Variants in YKT6 observed in about 807,000 individuals in gnomAD.
The protein encoded by YKT6 is synaptobrevin homolog YKT6.
YKT6 carries 12 observed loss-of-function variants against 29.3 expected under a neutral mutation model. That is an observed-to-expected ratio of 0.41 (90% CI 0.26 to 0.66). The LOEUF is 0.66. Ranked by LOEUF, YKT6 falls within the 30% of genes least tolerant of loss-of-function variation. The pLI, the probability that YKT6 is intolerant of heterozygous loss-of-function variation, is 0.32. For missense variants in YKT6, 188 were observed against 243.8 expected, an observed-to-expected ratio of 0.77 and a Z score of 1.52; for synonymous variants, 86 against 94.3, an observed-to-expected ratio of 0.91 and a Z score of 0.51.
chr7:44,211,020 C>A lies in YKT6; in HGVS notation c.460-3C>A, dbSNP rs186739586. ...GCTGGATTCTCTTTTCTTTTTTGTC[C>A]AGCACAACACCATGGAGTCTCTGTT... On this transcript the variant is annotated splice_polypyrimidine_tract_variant and splice_region_variant and intron_variant, in intron 5 of 6. Coordinates refer to ENST00000223369, the MANE Select transcript of YKT6 (RefSeq NM_006555.4). 8.2e-5 allele frequency: 132 copies of A among 1,613,716 alleles called. No individual in the cohort carries two copies. The highest frequency in any genetic ancestry group is 1.1e-4 in the Non-Finnish European group (129 of 1,179,898).
intron 6 of YKT6, among the ~76,000 whole-genome samples, chr7:44,211,938 A>C (rs2096347249): frequency 6.6e-6 from 1 of 152,210 alleles, no homozygotes; most frequent in East Asian, 1.9e-4. Flanking sequence ...CATTTGTATT[A>C]TTGGTCCTTT....
In YKT6 at chr7:44,206,578, G is replaced by A. The variant is rs115405013; in HGVS notation, c.288+93G>A. 1.4e-3 allele frequency: 1,532 copies of A among 1,121,808 alleles called. 13 individuals are homozygous for A. In the African/African-American group the frequency reaches 0.022, roughly 16 times the overall value. The allele number at this position is 1,121,808 out of a possible 1,614,324, so 69.5% of individuals were successfully genotyped here. A position where few individuals can be genotyped will look rare whatever the true frequency, so the allele number is the denominator to read the frequency against. Reference sequence around the variant, plus strand: ...GTTGATGGCAGTCCCTGAGACATAAGGGATGAAATGATGTGTCCAAAGTCA... The same window carrying A: ...GTTGATGGCAGTCCCTGAGACATAAAGGATGAAATGATGTGTCCAAAGTCA... On this transcript the variant is annotated intron_variant, in intron 3 of 6. Coordinates refer to ENST00000223369, the MANE Select transcript of YKT6 (RefSeq NM_006555.4).
chr7:44,201,265 T>C, intron 1 of YKT6, 26 bp downstream of exon 1: 1 of 1,451,090 alleles, frequency 6.9e-7, no homozygotes, highest in Non-Finnish European at 9.3e-7. Context: ...TGGTGGGCCG[T>C]GGCGGTCGGG....
At chr7:44,203,204 C>T (rs751624892) in intron 1 of YKT6, among the ~76,000 whole-genome samples, 2 of 152,194 alleles carry the variant, frequency 1.3e-5, no homozygotes, top group African/African-American at 2.4e-5. Flanking sequence ...AGTGATTCTC[C>T]TGCCTCAGCC....
rs2096334568 is a variant in YKT6, at chr7:44,200,988, C to T, written c.-148C>T. ...ACCGGATCCGGAAGTGGATTGCGAG[C>T]CAGGAGGAGGAAGCCGGCGGTGGCC... On this transcript the variant is annotated 5_prime_UTR_variant, in exon 1 of 7. Coordinates refer to ENST00000223369, the MANE Select transcript of YKT6 (RefSeq NM_006555.4). 11 of 589,174 alleles carry T rather than the reference C, an allele frequency of 1.9e-5. No homozygotes were observed. The South Asian group carries it at 2.0e-4, about 11-fold the overall frequency. 36.5% of individuals were successfully genotyped at this position (589,174 alleles called of 1,614,324 possible). A position where few individuals can be genotyped will look rare whatever the true frequency, so the allele number is the denominator to read the frequency against.
rs1207247537 is a variant in YKT6, at chr7:44,213,526, C to G, written c.*1244C>G. On this transcript the variant is annotated 3_prime_UTR_variant, in exon 7 of 7. Coordinates refer to ENST00000223369, the MANE Select transcript of YKT6 (RefSeq NM_006555.4). Reference sequence around the variant, plus strand: ...GATGGGCCTAAAATGTTCTGGATCCCTTGGGTCCTAGTGTTATGTTCCAGT... The same window carrying G: ...GATGGGCCTAAAATGTTCTGGATCCGTTGGGTCCTAGTGTTATGTTCCAGT... 1 of 152,288 alleles carries G rather than the reference C, an allele frequency of 6.6e-6. No individual in the cohort carries two copies. Among genetic ancestry groups the G allele is most frequent in the East Asian group, 1.9e-4 (1 of 5,198 alleles). 9.4% of individuals were successfully genotyped at this position (152,288 alleles called of 1,614,324 possible).
Position 44,212,358 on chromosome 7 carries a change from A to G in YKT6, c.*76A>G. 1 of 1,574,628 alleles carries G rather than the reference A, an allele frequency of 6.4e-7. No individual in the cohort carries two copies. Among genetic ancestry groups the G allele is most frequent in the Non-Finnish European group, 8.7e-7 (1 of 1,151,164 alleles). On this transcript the variant is annotated 3_prime_UTR_variant, in exon 7 of 7. Transcript: ENST00000223369. Reference sequence around the variant, plus strand: ...AACTGCAGCCCCTGGAAAAGAAGAGACAGCCATAGACGAGGAGCCAGAGTG... The same window carrying G: ...AACTGCAGCCCCTGGAAAAGAAGAGGCAGCCATAGACGAGGAGCCAGAGTG...
intron 1 of YKT6, among the ~76,000 whole-genome samples, chr7:44,203,739 G>T (rs1012422857): frequency 2.6e-5 from 4 of 152,112 alleles, no homozygotes; most frequent in African/African-American, 9.7e-5. Flanking sequence ...TAATGTGGAG[G>T]CACAGCACAC....
rs779186029 is a variant in YKT6, at chr7:44,201,092, G to A, written c.-44G>A. On this transcript the variant is annotated 5_prime_UTR_variant, in exon 1 of 7. Transcript: ENST00000223369. ...GGCGGCCGCGCTGCTCCCTGAGAAC[G>A]GGTCCCGCAGCTGGGCAGGCGGGCG... 9.2e-6 allele frequency: 14 copies of A among 1,514,918 alleles called. No individual in the cohort carries two copies. Among genetic ancestry groups the A allele is most frequent in the South Asian group, 1.2e-5 (1 of 82,330 alleles). 93.8% of individuals were successfully genotyped at this position (1,514,918 alleles called of 1,614,324 possible).
chr7:44,209,089 T>G (rs2096344016), intron 5 of YKT6, among the ~76,000 whole-genome samples: 1 of 152,214 alleles, frequency 6.6e-6, no homozygotes, highest in African/African-American at 2.4e-5. Context: ...GTATGAGCAC[T>G]GGGACATCTT....
At chr7:44,206,655 T>G (rs569552342) in intron 3 of YKT6, among the ~76,000 whole-genome samples, 170 bp downstream of exon 3, 23 of 152,328 alleles carry the variant, frequency 1.5e-4, no homozygotes, top group African/African-American at 5.3e-4. Context: ...TTGGCATCCC[T>G]GTATGGGTTT....
intron 1 of YKT6, 128 bp from the exon 2 acceptor site, chr7:44,204,440 G>A: frequency 4.1e-6 from 3 of 731,302 alleles, no homozygotes; most frequent in Non-Finnish European, 6.9e-6. Flanking sequence ...TTGTTACTAG[G>A]GATGGGAGGG....
chr7:44,204,199 T>C (rs1432028930), intron 1 of YKT6, among the ~76,000 whole-genome samples: 1 of 152,232 alleles, frequency 6.6e-6, no homozygotes. Flanking sequence ...GTGCAGTTCT[T>C]ATAAATGTCC....
In YKT6 at chr7:44,201,290, G is replaced by A. The variant is rs1037429360; in HGVS notation, c.104+51G>A. The A allele has an allele frequency of 3.2e-6, 5 of 1,555,394 alleles. No individual in the cohort carries two copies. The African/African-American group carries it at 5.5e-5, about 17-fold the overall frequency. The stretch of plus-strand genomic sequence containing the variant: ...TGGCGGTCGGGCGGAGAGGACTGGG[G>A]TGGGGGTCCGAGTCGGAGTGGGCCT... On this transcript the variant is annotated intron_variant, in intron 1 of 6. Transcript: ENST00000223369.
chr7:44,201,298 C>A, intron 1 of YKT6, 59 bp downstream of exon 1: 2 of 1,519,064 alleles, frequency 1.3e-6, no homozygotes, highest in Non-Finnish European at 1.8e-6. Flanking sequence ...GGGTGGGGGT[C>A]CGAGTCGGAG....
chr7:44,212,341 C>T lies in YKT6; in HGVS notation c.*59C>T. On this transcript the variant is annotated 3_prime_UTR_variant, in exon 7 of 7. Transcript: ENST00000223369. Reference sequence around the variant, plus strand: ...ACCATCATTCACATCAGAACTGCAGCCCCTGGAAAAGAAGAGACAGCCATA... The same window carrying T: ...ACCATCATTCACATCAGAACTGCAGTCCCTGGAAAAGAAGAGACAGCCATA... 3.1e-6 allele frequency: 5 copies of T among 1,593,424 alleles called. No individual in the cohort carries two copies. In the South Asian group the frequency reaches 5.6e-5, roughly 18 times the overall value.
chr7:44,202,933 C>T (rs2096337329), intron 1 of YKT6, among the ~76,000 whole-genome samples: 1 of 151,936 alleles, frequency 6.6e-6, no homozygotes. Flanking sequence ...TTCCTTTTTC[C>T]TTCCCATTAG....
Position 44,212,335 on chromosome 7 carries a change from C to A in YKT6, c.*53C>A. On this transcript the variant is annotated 3_prime_UTR_variant, in exon 7 of 7. Transcript: ENST00000223369. ...AATGGCACCATCATTCACATCAGAA[C>A]TGCAGCCCCTGGAAAAGAAGAGACA... 2.5e-6 allele frequency: 4 copies of A among 1,599,364 alleles called. No homozygotes were observed. Among genetic ancestry groups the A allele is most frequent in the Non-Finnish European group, 3.4e-6 (4 of 1,168,706 alleles).
chr7:44,201,040 C>G lies in YKT6; in HGVS notation c.-96C>G, dbSNP rs942698060. 9.5e-7 allele frequency: 1 copy of G among 1,056,532 alleles called. No homozygotes were observed. Among genetic ancestry groups the G allele is most frequent in the Non-Finnish European group, 1.3e-6 (1 of 758,488 alleles). 65.4% of individuals were successfully genotyped at this position (1,056,532 alleles called of 1,614,324 possible). ...CGTCAGCAGCCGGCTGCTGAGAGGC[C>G]GGTAGGCGGCGGCGGTCCCGAGGGG... On this transcript the variant is annotated 5_prime_UTR_variant, in exon 1 of 7. Coordinates refer to ENST00000223369, the MANE Select transcript of YKT6 (RefSeq NM_006555.4).
Sources: gnomAD v4.1 joint callset for allele counts (sites outside exome capture counted in the v4.1 genomes callset) on GRCh38, gnomAD v4.1.1 for gene constraint, MANE v1.5 for transcripts, NCBI Gene and HGNC (gene_info 2026-07-23, HGNC 2026-07-21) for gene names.